AFF3: variants seen among roughly 807,000 people sequenced by gnomAD.
The protein encoded by AFF3 is AF4/FMR2 family member 3.
In AFF3, 32 loss-of-function variants were observed where a neutral mutation model predicts 129.7. The observed-to-expected ratio is 0.25, with a 90% confidence interval of 0.19 to 0.33. The LOEUF is 0.33. Ranked by LOEUF, AFF3 falls within the 10% of genes least tolerant of loss-of-function variation. The pLI, the probability that AFF3 is intolerant of heterozygous loss-of-function variation, is 1.00. For synonymous variants in AFF3, 644 were observed against 635.4 expected (o/e 1.01, Z -0.20); for missense variants, 1,373 against 1,592.0 (o/e 0.86, Z 2.34).
intron 9 of AFF3, among the ~76,000 whole-genome samples, chr2:99,746,588 T>C (rs1385848951): frequency 6.6e-6 from 1 of 152,178 alleles, no homozygotes; most frequent in African/African-American, 2.4e-5. Flanking sequence ...ACTCTCACCC[T>C]GAGATTCAGT....
At chr2:99,784,111 T>C (rs1188412135) in intron 8 of AFF3, among the ~76,000 whole-genome samples, 1 of 152,210 alleles carries the variant, frequency 6.6e-6, no homozygotes, top group African/African-American at 2.4e-5. Flanking sequence ...TGCCAGTGGC[T>C]CTAGCATAAG....
At chr2:100,023,915 G>A (rs566748620) in intron 4 of AFF3, among the ~76,000 whole-genome samples, 2 of 152,260 alleles carry the variant, frequency 1.3e-5, no homozygotes, top group African/African-American at 4.8e-5. Flanking sequence ...AGCATATTTA[G>A]GAATATACTA....
At chr2:99,553,540 A>G (rs920758080) in intron 24 of AFF3, among the ~76,000 whole-genome samples, 1 of 152,186 alleles carries the variant, frequency 6.6e-6, no homozygotes, top group African/African-American at 2.4e-5. Context: ...ATATGTTGAT[A>G]TATATAACAA....
At chr2:99,967,361 C>A (rs1264241363) in intron 7 of AFF3, among the ~76,000 whole-genome samples, 3 of 151,892 alleles carry the variant, frequency 2.0e-5, no homozygotes, top group Non-Finnish European at 2.9e-5. Context: ...CTCCTGAGTG[C>A]CAGTTCTAGG....
chr2:99,763,733 C>T (rs1432537447), intron 8 of AFF3, among the ~76,000 whole-genome samples: 1 of 152,134 alleles, frequency 6.6e-6, no homozygotes, highest in Non-Finnish European at 1.5e-5. Context: ...TACAAACCAG[C>T]AAATAACCAA....
intron 4 of AFF3, among the ~76,000 whole-genome samples, chr2:100,100,799 GGCCCTGAGGAATGGCTTATATGTCTA>G (rs572962646): frequency 1.2e-3 from 178 of 152,322 alleles, no homozygotes; most frequent in Admixed American, 2.1e-3. Flanking sequence ...TTATTTTAAA[GGCCCTGAGGAATGGCTTATATGTCTA>G]GCACCTAATC....
chr2:99,563,380 C>T lies in AFF3; in HGVS notation c.3119+2107G>A, dbSNP rs139713314. On this transcript the variant is annotated intron_variant, in intron 20 of 24. Coordinates refer to ENST00000672756, the MANE Select transcript of AFF3 (RefSeq NM_001386135.1). ...TAATTTTTTGTATTTTTAGTAGAGA[C>T]GGGGTTTCATCGTATTAGCCAGGAT... Among the ~76,000 whole-genome samples, 1,313 of 151,434 alleles carry T rather than the reference C, an allele frequency of 8.7e-3. 12 individuals are homozygous for T. Among genetic ancestry groups the T allele is most frequent in the Non-Finnish European group, 0.013 (889 of 67,776 alleles).
At chr2:99,699,370 G>A (rs1286992133) in intron 11 of AFF3, among the ~76,000 whole-genome samples, 1 of 152,156 alleles carries the variant, frequency 6.6e-6, no homozygotes, top group African/African-American at 2.4e-5. Flanking sequence ...AATGTAAGAA[G>A]AGGGACCATG....
intron 18 of AFF3, among the ~76,000 whole-genome samples, chr2:99,575,364 A>T (rs1676883574): frequency 6.7e-6 from 1 of 149,830 alleles, no homozygotes; most frequent in South Asian, 2.1e-4. Context: ...GGTTCAAGTG[A>T]TTCTCCTGCC....
intron 9 of AFF3, among the ~76,000 whole-genome samples, chr2:99,746,215 A>G (rs961036966): frequency 6.6e-6 from 1 of 152,192 alleles, no homozygotes; most frequent in Admixed American, 6.5e-5. Context: ...AAATCCAGCA[A>G]AACTCCTTTA....
At chr2:99,661,300 C>G (rs1686206104) in intron 12 of AFF3, among the ~76,000 whole-genome samples, 3 of 152,182 alleles carry the variant, frequency 2.0e-5, no homozygotes, top group Non-Finnish European at 4.4e-5. Flanking sequence ...GATGCCTAAC[C>G]CCTCTCCTGG....
chr2:99,741,191 T>C (rs1680687597), intron 10 of AFF3, among the ~76,000 whole-genome samples: 1 of 152,150 alleles, frequency 6.6e-6, no homozygotes, highest in Non-Finnish European at 1.5e-5. Context: ...TCACTCCTAT[T>C]CAACATAGTG....
intron 22 of AFF3, 134 bp from the exon 23 acceptor site, chr2:99,554,866 T>A: frequency 1.0e-6 from 1 of 958,006 alleles, no homozygotes; most frequent in South Asian, 1.5e-5. Flanking sequence ...TCAGAGAAAC[T>A]GGACCTGGGA....
At chr2:99,846,475 T>C (rs1160452962) in intron 7 of AFF3, among the ~76,000 whole-genome samples, 2 of 152,222 alleles carry the variant, frequency 1.3e-5, no homozygotes. Context: ...TATGATCTAA[T>C]ATTCTTTTTT....
At chr2:99,824,410 C>T (rs1307714615) in intron 8 of AFF3, among the ~76,000 whole-genome samples, 1 of 152,114 alleles carries the variant, frequency 6.6e-6, no homozygotes, top group Non-Finnish European at 1.5e-5. Context: ...CCACAGCACC[C>T]AGCCCAAAAT....
At chr2:100,046,284 A>C (rs1348252639) in intron 4 of AFF3, among the ~76,000 whole-genome samples, 1 of 152,146 alleles carries the variant, frequency 6.6e-6, no homozygotes, top group Non-Finnish European at 1.5e-5. Flanking sequence ...GAGGCCCAGT[A>C]ATGTGTCCAG....
intron 9 of AFF3, among the ~76,000 whole-genome samples, chr2:99,746,511 T>C (rs762250039): frequency 2.6e-5 from 4 of 152,208 alleles, no homozygotes; most frequent in African/African-American, 7.2e-5. Flanking sequence ...CATATGCAGA[T>C]GCCTAATAAA....
At chr2:99,911,296 G>A (rs1192768798) in intron 7 of AFF3, among the ~76,000 whole-genome samples, 2 of 152,024 alleles carry the variant, frequency 1.3e-5, no homozygotes, top group Non-Finnish European at 2.9e-5. Context: ...GCTGAGGCAG[G>A]AGCATCACTT....
Position 99,832,213 on chromosome 2 carries a change from T to C in AFF3, c.921+5264A>G, listed in dbSNP as rs527649293. 6.6e-5 allele frequency among the ~76,000 whole-genome samples: 10 copies of C among 152,372 alleles called. No individual in the cohort carries two copies. The East Asian group carries it at 1.9e-3, about 29-fold the overall frequency. On this transcript the variant is annotated intron_variant, in intron 8 of 24. Coordinates refer to ENST00000672756, the MANE Select transcript of AFF3 (RefSeq NM_001386135.1). The stretch of plus-strand genomic sequence containing the variant: ...CTTTTAGATGCTTGGGCTGCTAACA[T>C]GCCCTTCATCTTCTAGGCATATGGT...
Sources: gnomAD v4.1 joint callset for allele counts (sites outside exome capture counted in the v4.1 genomes callset) on GRCh38, gnomAD v4.1.1 for gene constraint, MANE v1.5 for transcripts, NCBI Gene and HGNC (gene_info 2026-07-23, HGNC 2026-07-21) for gene names.